SPRED1: variants seen among roughly 807,000 people sequenced by gnomAD.
The protein encoded by SPRED1 is sprouty-related, EVH1 domain-containing protein 1.
SPRED1 carries 18 observed loss-of-function variants against 52.3 expected under a neutral mutation model. That is an observed-to-expected ratio of 0.34 (90% CI 0.24 to 0.51). The LOEUF (loss-of-function observed/expected upper bound fraction) is 0.51. Among genes scored for constraint, SPRED1 ranks in the 20% least tolerant of loss-of-function variants. SPRED1 has a pLI of 0.97. For missense variants in SPRED1, 485 were observed against 551.0 expected, an observed-to-expected ratio of 0.88 and a Z score of 1.20; for synonymous variants, 155 against 179.7, an observed-to-expected ratio of 0.86 and a Z score of 1.10.
intron 5 of SPRED1, among the ~76,000 whole-genome samples, chr15:38,344,687 A>G (rs960285008): frequency 6.6e-6 from 1 of 152,194 alleles, no homozygotes; most frequent in Admixed American, 6.5e-5. Flanking sequence ...GTAAATTGGA[A>G]TAATATCGGT....
At chr15:38,288,546 T>G (rs1894855327) in intron 1 of SPRED1, among the ~76,000 whole-genome samples, 2 of 152,102 alleles carry the variant, frequency 1.3e-5, no homozygotes, top group African/African-American at 4.8e-5. Context: ...AGCTGATGGC[T>G]TAGAAAGGAG....
At chr15:38,316,754 T>TG (rs1337615784) in intron 2 of SPRED1, among the ~76,000 whole-genome samples, 8 of 146,524 alleles carry the variant, frequency 5.5e-5, no homozygotes, top group African/African-American at 1.2e-4. Context: ...ATATGTTTTT[T>TG]TTTTTTTTTT....
chr15:38,253,100 C>G lies in SPRED1; in HGVS notation c.-86C>G. On this transcript the variant is annotated 5_prime_UTR_variant, in exon 1 of 7. Coordinates refer to ENST00000299084, the MANE Select transcript of SPRED1 (RefSeq NM_152594.3). ...GCTGCCCCCGCGCCCCCCCGGCCGCCGCTGCCTCCTGCCCCTCGGTGCTGC... is the reference window on the plus strand; with the variant it reads ...GCTGCCCCCGCGCCCCCCCGGCCGCGGCTGCCTCCTGCCCCTCGGTGCTGC... 7.8e-7 allele frequency: 1 copy of G among 1,276,530 alleles called. No homozygotes were observed. The allele number at this position is 1,276,530 out of a possible 1,614,324, so 79.1% of individuals were successfully genotyped here.
intron 1 of SPRED1, among the ~76,000 whole-genome samples, chr15:38,282,594 G>C (rs183085024): frequency 1.8e-4 from 28 of 152,250 alleles, no homozygotes; most frequent in African/African-American, 5.5e-4. Flanking sequence ...TTTGTCTGAT[G>C]TAAAAGCCAC....
rs76505398 is a variant in SPRED1, at chr15:38,318,475, G to A, written c.208-3766G>A. Among the ~76,000 whole-genome samples the A allele has an allele frequency of 8.4e-3, 1,278 of 152,002 alleles. 18 individuals carry two copies. The highest frequency in any genetic ancestry group is 0.029 in the African/African-American group (1,204 of 41,454). On this transcript the variant is annotated intron_variant, in intron 2 of 6. Transcript: ENST00000299084. ...ACAATTTCATCTTTTAGATTCAAGG[G>A]GTACATGTGCAGATTTTGTTACCTG...
intron 4 of SPRED1, among the ~76,000 whole-genome samples, chr15:38,335,018 G>A (rs1036418364): frequency 6.6e-6 from 1 of 151,674 alleles, no homozygotes; most frequent in Non-Finnish European, 1.5e-5. Flanking sequence ...TTCCTAGTTA[G>A]TATATAAAAA....
Position 38,353,968 on chromosome 15 carries a change from T to G in SPRED1, c.*2304T>G, listed in dbSNP as rs1888550142. ...ATATTTTCAATTTGTTTAACCACTTTGCTGCTAAGATTTTGCCGTCCCATT... is the reference window on the plus strand; with the variant it reads ...ATATTTTCAATTTGTTTAACCACTTGGCTGCTAAGATTTTGCCGTCCCATT... On this transcript the variant is annotated 3_prime_UTR_variant, in exon 7 of 7. Transcript: ENST00000299084. The G allele has an allele frequency of 6.6e-6, 1 of 152,652 alleles. No homozygotes were observed. Among genetic ancestry groups the G allele is most frequent in the African/African-American group, 2.4e-5 (1 of 41,468 alleles). 9.5% of individuals were successfully genotyped at this position (152,652 alleles called of 1,614,324 possible).
intron 1 of SPRED1, among the ~76,000 whole-genome samples, chr15:38,292,296 C>T (rs1289449456): frequency 6.6e-6 from 1 of 152,084 alleles, no homozygotes; most frequent in Admixed American, 6.6e-5. Flanking sequence ...GCCATTCTCC[C>T]ACATTTTCCT....
At chr15:38,264,213 C>T (rs929190633) in intron 1 of SPRED1, among the ~76,000 whole-genome samples, 1 of 152,158 alleles carries the variant, frequency 6.6e-6, no homozygotes, top group African/African-American at 2.4e-5. Context: ...AACTGAGACT[C>T]ATGAAAGGTT....
intron 1 of SPRED1, among the ~76,000 whole-genome samples, chr15:38,264,305 G>A (rs1050556558): frequency 1.3e-5 from 2 of 152,196 alleles, no homozygotes; most frequent in African/African-American, 4.8e-5. Flanking sequence ...CACACTGTAC[G>A]TCATATACTT....
intron 2 of SPRED1, among the ~76,000 whole-genome samples, chr15:38,300,251 G>C (rs1173127598): frequency 2.0e-5 from 3 of 151,876 alleles, no homozygotes; most frequent in African/African-American, 7.3e-5. Context: ...TGTTTCATTT[G>C]TGGGCCAAAA....
chr15:38,351,208 G>A lies in SPRED1; in HGVS notation c.879G>A (p.Leu293=), dbSNP rs535687467. The change falls in exon 7 of 7, where the codon CTG becomes CTA. Residue 293 remains leucine (L), a synonymous_variant. Coordinates refer to ENST00000299084, the MANE Select transcript of SPRED1 (RefSeq NM_152594.3). ...SKPDSKKSDY[L]YSCGDETKLS... is the part of the protein sequence containing the mutation. ...CAGACAGTAAAAAATCAGACTATCT[G>A]TACTCTTGTGGGGATGAGACTAAGT... is the stretch of plus-strand genomic sequence containing the variant. The A allele has an allele frequency of 2.4e-5, 38 of 1,614,102 alleles. No individual in the cohort carries two copies. In the East Asian group the frequency reaches 7.6e-4, roughly 32 times the overall value.
intron 4 of SPRED1, among the ~76,000 whole-genome samples, chr15:38,336,484 A>G (rs1482243540): frequency 6.8e-6 from 1 of 146,976 alleles, no homozygotes; most frequent in Non-Finnish European, 1.5e-5. Flanking sequence ...TATGTTATAT[A>G]TATTATTTGA....
intron 2 of SPRED1, among the ~76,000 whole-genome samples, chr15:38,310,153 G>GTGTGTGTGTGTGTGTGTGTGTGT (rs373463622): frequency 6.8e-5 from 9 of 132,176 alleles, no homozygotes; most frequent in South Asian, 2.6e-4. Context: ...GTGTGTGTGT[G>GTGTGTGTGTGTGTGTGTGTGTGT]TTTGGAGACG....
In SPRED1 at chr15:38,329,300, A is replaced by C. The variant is rs536992638; in HGVS notation, c.423+4491A>C. The stretch of plus-strand genomic sequence containing the variant: ...CCATTGAGAAGTACGTGACTAAGTT[A>C]ATCTTCTTTAGAAGTAAGTAATGTC... On this transcript the variant is annotated intron_variant, in intron 4 of 6. Transcript: ENST00000299084. 1.1e-4 allele frequency among the ~76,000 whole-genome samples: 16 copies of C among 152,322 alleles called. No homozygotes were observed. In the South Asian group the frequency reaches 1.7e-3, roughly 16 times the overall value.
chr15:38,321,336 G>T (rs547490398), intron 2 of SPRED1, among the ~76,000 whole-genome samples: 1 of 152,156 alleles, frequency 6.6e-6, no homozygotes, highest in East Asian at 1.9e-4. Context: ...TAAAAACCAA[G>T]GGTATATTGC....
At chr15:38,299,184 C>A (rs1253864525) in intron 1 of SPRED1, among the ~76,000 whole-genome samples, 189 bp from the exon 2 acceptor site, 1 of 152,064 alleles carries the variant, frequency 6.6e-6, no homozygotes, top group African/African-American at 2.4e-5. Flanking sequence ...TAAAGGACAA[C>A]CTTAAAGTCT....
Position 38,346,414 on chromosome 15 carries a change from C to T in SPRED1, c.583-3008C>T, listed in dbSNP as rs79431471. ...TTTAACTCAGTTTCTCTTACTTTCA[C>T]GGGTTCATTTCCCTGTAGACAAATA... On this transcript the variant is annotated intron_variant, in intron 5 of 6. Transcript: ENST00000299084. 1.0e-3 allele frequency among the ~76,000 whole-genome samples: 159 copies of T among 152,144 alleles called. 1 individual carries two copies. The East Asian group carries it at 0.028, about 27-fold the overall frequency.
intron 1 of SPRED1, among the ~76,000 whole-genome samples, chr15:38,293,840 C>G (rs993013300): frequency 6.6e-6 from 1 of 152,010 alleles, no homozygotes; most frequent in African/African-American, 2.4e-5. Context: ...GTGTCATGCT[C>G]TCTCTATTGA....
Sources: allele counts gnomAD v4.1 joint callset (sites outside exome capture counted in the v4.1 genomes callset), GRCh38; gene constraint gnomAD v4.1.1; transcripts MANE v1.5; gene names NCBI Gene and HGNC (gene_info 2026-07-23, HGNC 2026-07-21).